WDFY2: variants seen among roughly 807,000 people sequenced by gnomAD.
The protein encoded by WDFY2 is WD repeat and FYVE domain-containing protein 2.
A neutral mutation model predicts 56.4 loss-of-function variants in WDFY2; 36 were observed. The ratio of observed to expected loss-of-function variants is 0.64; its 90% CI spans 0.49 to 0.84. The LOEUF (loss-of-function observed/expected upper bound fraction) is 0.84. Among genes scored for constraint, WDFY2 ranks in the 40% least tolerant of loss-of-function variants. The pLI, the probability that WDFY2 is intolerant of heterozygous loss-of-function variation, is 0.00. For synonymous variants in WDFY2, 176 were observed against 183.7 expected (o/e 0.96, Z 0.34); for missense variants, 444 against 512.2 (o/e 0.87, Z 1.29).
chr13:51,639,090 C>A (rs1285186514), intron 1 of WDFY2, among the ~76,000 whole-genome samples: 1 of 151,990 alleles, frequency 6.6e-6, no homozygotes, highest in African/African-American at 2.4e-5. Context: ...CAAGGGAGGT[C>A]AAGAATATAA....
intron 1 of WDFY2, among the ~76,000 whole-genome samples, chr13:51,607,158 A>G (rs1954398203): frequency 6.6e-6 from 1 of 152,226 alleles, no homozygotes; most frequent in Admixed American, 6.5e-5. Flanking sequence ...TCAAAAATCT[A>G]CAGTTTTTCA....
intron 5 of WDFY2, among the ~76,000 whole-genome samples, chr13:51,721,306 A>G (rs1952484198): frequency 6.6e-6 from 1 of 152,096 alleles, no homozygotes; most frequent in Non-Finnish European, 1.5e-5. Flanking sequence ...TCCTTCAAGA[A>G]GGAACTAATG....
At chr13:51,658,136 A>G (rs1395607440) in intron 1 of WDFY2, among the ~76,000 whole-genome samples, 2 of 152,138 alleles carry the variant, frequency 1.3e-5, no homozygotes, top group Non-Finnish European at 2.9e-5. Context: ...TGCTGTTCTT[A>G]CTTGTTGAGT....
At chr13:51,623,960 A>G (rs1353341489) in intron 1 of WDFY2, among the ~76,000 whole-genome samples, 1 of 152,184 alleles carries the variant, frequency 6.6e-6, no homozygotes, top group Non-Finnish European at 1.5e-5. Flanking sequence ...CAGAATAAAG[A>G]AACATAACTA....
intron 8 of WDFY2, among the ~76,000 whole-genome samples, chr13:51,751,760 T>C (rs1953243090): frequency 1.3e-5 from 2 of 152,216 alleles, no homozygotes; most frequent in African/African-American, 4.8e-5. Flanking sequence ...ACGTGATTTA[T>C]GTCATGGAAG....
chr13:51,738,986 C>A, intron 6 of WDFY2, 63 bp from the exon 7 acceptor site: 1 of 1,421,114 alleles, frequency 7.0e-7, no homozygotes, highest in South Asian at 1.8e-5. Flanking sequence ...GCTGCATTCA[C>A]ATTTCTTTTG....
At chr13:51,709,376 G>C (rs1443134366) in intron 4 of WDFY2, among the ~76,000 whole-genome samples, 3 of 152,216 alleles carry the variant, frequency 2.0e-5, no homozygotes, top group African/African-American at 7.2e-5. Flanking sequence ...CTCTGGGACA[G>C]GTGCAGTGGT....
At chr13:51,661,187 G>A (rs1465993650) in intron 2 of WDFY2, among the ~76,000 whole-genome samples, 1 of 152,102 alleles carries the variant, frequency 6.6e-6, no homozygotes. Context: ...ATAAATAATG[G>A]ATCTTCCAAG....
chr13:51,591,513 TAAAAAA>T (rs1290287444), intron 1 of WDFY2: 1 of 152,162 alleles, frequency 6.6e-6, no homozygotes, highest in Non-Finnish European at 1.5e-5. Context: ...TAAATCATAG[TAAAAAA>T]TATAGTTAGC....
intron 1 of WDFY2, among the ~76,000 whole-genome samples, chr13:51,639,609 A>G (rs148704406): frequency 6.6e-6 from 1 of 152,294 alleles, no homozygotes; most frequent in African/African-American, 2.4e-5. Flanking sequence ...ATTTTTTAAT[A>G]TAGGCTGGAT....
rs561607014 is a variant in WDFY2, at chr13:51,629,675, C to A, written c.138-30921C>A. Among the ~76,000 whole-genome samples, 5 of 152,188 alleles carry A rather than the reference C, an allele frequency of 3.3e-5. No homozygotes were observed. The South Asian group carries it at 1.0e-3, about 32-fold the overall frequency. On this transcript the variant is annotated intron_variant, in intron 1 of 11. Transcript: ENST00000298125. The stretch of plus-strand genomic sequence containing the variant: ...TGTGTCATGGAGAATTTAAAAACCT[C>A]ATAAACAAATCAAGTTGAAATAATT...
chr13:51,708,563 T>C (rs1396495570), intron 4 of WDFY2, among the ~76,000 whole-genome samples: 1 of 142,356 alleles, frequency 7.0e-6, no homozygotes, highest in Non-Finnish European at 1.6e-5. Context: ...TAGAATCATA[T>C]AGTAATTCCC....
chr13:51,758,896 C>T (rs531266005), intron 11 of WDFY2, among the ~76,000 whole-genome samples: 78 of 152,264 alleles, frequency 5.1e-4, no homozygotes, highest in African/African-American at 1.7e-3. Context: ...TTAAAATAAA[C>T]TCTGGGGCTG....
intron 2 of WDFY2, among the ~76,000 whole-genome samples, chr13:51,671,769 G>A (rs1458902696): frequency 7.5e-6 from 1 of 132,806 alleles, no homozygotes; most frequent in East Asian, 2.2e-4. Context: ...TTGATTTGTT[G>A]CATTTGCTTT....
intron 3 of WDFY2, among the ~76,000 whole-genome samples, chr13:51,686,656 A>C (rs1240623843): frequency 6.6e-6 from 1 of 152,122 alleles, no homozygotes; most frequent in African/African-American, 2.4e-5. Flanking sequence ...ATATGAATTT[A>C]AATATAGAAA....
chr13:51,737,532 G>C (rs968443835), intron 6 of WDFY2, among the ~76,000 whole-genome samples: 1 of 134,256 alleles, frequency 7.4e-6, no homozygotes, highest in Admixed American at 8.1e-5. Flanking sequence ...TATTCTACTG[G>C]GGCAGGAGAC....
At chr13:51,738,623 T>C (rs1370197585) in intron 6 of WDFY2, among the ~76,000 whole-genome samples, 1 of 152,310 alleles carries the variant, frequency 6.6e-6, no homozygotes, top group Admixed American at 6.5e-5. Flanking sequence ...AAATCTGATA[T>C]TCAAGAATAA....
chr13:51,630,705 A>G (rs2138379010), intron 1 of WDFY2, among the ~76,000 whole-genome samples: 1 of 145,822 alleles, frequency 6.9e-6, no homozygotes, highest in South Asian at 2.2e-4. Flanking sequence ...TTTTTGTGTT[A>G]TGTTTTCAAG....
intron 1 of WDFY2, among the ~76,000 whole-genome samples, chr13:51,642,765 C>T (rs1955193581): frequency 6.6e-6 from 1 of 150,474 alleles, no homozygotes; most frequent in African/African-American, 2.5e-5. Flanking sequence ...ACTGCAACCT[C>T]CACCTCCCAG....
Sources: allele counts gnomAD v4.1 joint callset (sites outside exome capture counted in the v4.1 genomes callset), GRCh38; gene constraint gnomAD v4.1.1; transcripts MANE v1.5; gene names NCBI Gene and HGNC (gene_info 2026-07-23, HGNC 2026-07-21).